Variants in TMCC1 observed in about 807,000 individuals in gnomAD.
The protein encoded by TMCC1 is transmembrane and coiled-coil domain family 1, also known as transmembrane and coiled-coil domains protein 1.
In TMCC1, 15 loss-of-function variants were observed where a neutral mutation model predicts 52.4. The observed-to-expected ratio is 0.29, with a 90% CI of 0.19 to 0.44. The LOEUF (loss-of-function observed/expected upper bound fraction) is 0.44. Ranked by LOEUF, TMCC1 falls within the 20% of genes least tolerant of loss-of-function variation. The pLI, the probability that TMCC1 is intolerant of heterozygous loss-of-function variation, is 1.00. For synonymous variants in TMCC1, 279 were observed against 301.9 expected (o/e 0.92, Z 0.79); for missense variants, 503 against 806.0 (o/e 0.62, Z 4.55).
chr3:129,800,208 G>T (rs559484647), intron 4 of TMCC1, among the ~76,000 whole-genome samples: 4 of 152,150 alleles, frequency 2.6e-5, no homozygotes, highest in Non-Finnish European at 5.9e-5. Flanking sequence ...ATATGCCAGT[G>T]TATGAATAAT....
chr3:129,755,547 CAAT>C (rs2052923471), intron 4 of TMCC1, among the ~76,000 whole-genome samples: 1 of 152,042 alleles, frequency 6.6e-6, no homozygotes, highest in South Asian at 2.1e-4. Flanking sequence ...TCTAAAACCT[CAAT>C]AATGAGAAAA....
At chr3:129,765,268 A>G (rs890213368) in intron 4 of TMCC1, among the ~76,000 whole-genome samples, 22 of 152,108 alleles carry the variant, frequency 1.4e-4, no homozygotes, top group African/African-American at 5.3e-4. Context: ...AACAGGCACA[A>G]ATTTGGTAAT....
At chr3:129,867,653 C>T (rs1337879637) in intron 2 of TMCC1, among the ~76,000 whole-genome samples, 1 of 152,142 alleles carries the variant, frequency 6.6e-6, no homozygotes. Flanking sequence ...AACATATAGC[C>T]AAGCAAATAA....
chr3:129,861,749 T>C (rs1316635393), intron 2 of TMCC1, among the ~76,000 whole-genome samples: 1 of 152,204 alleles, frequency 6.6e-6, no homozygotes, highest in Non-Finnish European at 1.5e-5. Flanking sequence ...AGAACCCTCA[T>C]ACACTGCTGG....
chr3:129,717,294 A>G (rs2049181207), intron 4 of TMCC1, among the ~76,000 whole-genome samples: 1 of 152,100 alleles, frequency 6.6e-6, no homozygotes, highest in Non-Finnish European at 1.5e-5. Flanking sequence ...CTTCTTATTG[A>G]CCTATCTGCA....
intron 4 of TMCC1, among the ~76,000 whole-genome samples, chr3:129,810,215 G>A (rs2057726020): frequency 6.6e-6 from 1 of 152,082 alleles, no homozygotes; most frequent in Non-Finnish European, 1.5e-5. Flanking sequence ...AAAATTAGCT[G>A]GGCATGGTGG....
At position 129,782,767 on chromosome 3, in the gene TMCC1, T is replaced by C. The variant is rs372765935; in HGVS notation, c.576+45036A>G. Among the ~76,000 whole-genome samples the C allele has an allele frequency of 2.0e-4, 30 of 152,350 alleles. No individual in the cohort carries two copies. The East Asian group carries it at 4.8e-3, about 24-fold the overall frequency. On this transcript the variant is annotated intron_variant, in intron 4 of 6. Coordinates refer to ENST00000393238, the MANE Select transcript of TMCC1 (RefSeq NM_001017395.5). ...AGGTGGTTGCTGAGTACCATTTGATTACCGTATGAACTGCGGTGTGTTATT... is the reference window on the plus strand; with the variant it reads ...AGGTGGTTGCTGAGTACCATTTGATCACCGTATGAACTGCGGTGTGTTATT...
Position 129,657,051 on chromosome 3 carries a change from T to A in TMCC1, c.1512-1948A>T, listed in dbSNP as rs193269604. 4.5e-3 allele frequency among the ~76,000 whole-genome samples: 687 copies of A among 152,306 alleles called. 7 individuals are homozygous for A. The highest frequency in any genetic ancestry group is 0.016 in the African/African-American group (654 of 41,550). On this transcript the variant is annotated intron_variant, in intron 5 of 6. Coordinates refer to ENST00000393238, the MANE Select transcript of TMCC1 (RefSeq NM_001017395.5). ...ACCAGAGAGGGGCCAGAGACTTTTT[T>A]AAAGCCGCATTCCAAAGTGCTGGTC...
intron 2 of TMCC1, among the ~76,000 whole-genome samples, chr3:129,840,803 G>C (rs1273572191): frequency 6.6e-6 from 1 of 152,204 alleles, no homozygotes; most frequent in African/African-American, 2.4e-5. Flanking sequence ...GTGGGGCTGA[G>C]AGTCAAATTA....
At chr3:129,696,889 G>A (rs2047450977) in intron 4 of TMCC1, among the ~76,000 whole-genome samples, 1 of 152,194 alleles carries the variant, frequency 6.6e-6, no homozygotes. Flanking sequence ...TGATGCAAAA[G>A]GTGAGCTCCC....
At chr3:129,684,194 A>C (rs571421138) in intron 4 of TMCC1, among the ~76,000 whole-genome samples, 1 of 152,346 alleles carries the variant, frequency 6.6e-6, no homozygotes, top group South Asian at 2.1e-4. Context: ...TGTAACTCCT[A>C]AAAGGGCTAA....
chr3:129,832,509 T>G (rs1158747021), intron 3 of TMCC1, among the ~76,000 whole-genome samples: 1 of 152,174 alleles, frequency 6.6e-6, no homozygotes, highest in Non-Finnish European at 1.5e-5. Flanking sequence ...AGACCTAATA[T>G]GCCATTAGCT....
chr3:129,669,682 G>A (rs2087760473), intron 5 of TMCC1, among the ~76,000 whole-genome samples: 3 of 152,120 alleles, frequency 2.0e-5, no homozygotes, highest in African/African-American at 4.8e-5. Flanking sequence ...AAGGAGAAAG[G>A]ACACATATTC....
At chr3:129,824,214 T>C (rs1156250934) in intron 4 of TMCC1, among the ~76,000 whole-genome samples, 1 of 152,256 alleles carries the variant, frequency 6.6e-6, no homozygotes, top group Non-Finnish European at 1.5e-5. Flanking sequence ...TGTGTGCCTG[T>C]AATCCCAGCT....
At chr3:129,857,603 A>G (rs897081905) in intron 2 of TMCC1, among the ~76,000 whole-genome samples, 7 of 151,742 alleles carry the variant, frequency 4.6e-5, no homozygotes, top group Non-Finnish European at 1.0e-4. Context: ...GCTCTGTCAC[A>G]CAGGCTGGAG....
chr3:129,813,117 T>C (rs2057913294), intron 4 of TMCC1, among the ~76,000 whole-genome samples: 1 of 152,082 alleles, frequency 6.6e-6, no homozygotes, highest in African/African-American at 2.4e-5. Context: ...TAAGATACCA[T>C]CTCACACCAG....
intron 4 of TMCC1, among the ~76,000 whole-genome samples, chr3:129,719,759 T>C (rs2049413158): frequency 6.6e-6 from 1 of 152,154 alleles, no homozygotes; most frequent in Non-Finnish European, 1.5e-5. Context: ...CCACTCAATT[T>C]CCTTTACACT....
intron 2 of TMCC1, among the ~76,000 whole-genome samples, chr3:129,863,776 C>T (rs1296852871): frequency 6.6e-6 from 1 of 151,978 alleles, no homozygotes; most frequent in South Asian, 2.1e-4. Context: ...GCAGGAGAAT[C>T]GCTTGAACCC....
chr3:129,823,186 C>T (rs191667742), intron 4 of TMCC1, among the ~76,000 whole-genome samples: 16 of 151,974 alleles, frequency 1.1e-4, no homozygotes, highest in Middle Eastern at 3.4e-3. Context: ...ATTATACAGG[C>T]GTGGTGATGT....
Sources: gnomAD v4.1 joint callset for allele counts (sites outside exome capture counted in the v4.1 genomes callset) on GRCh38, gnomAD v4.1.1 for gene constraint, MANE v1.5 for transcripts, NCBI Gene and HGNC (gene_info 2026-07-23, HGNC 2026-07-21) for gene names.